Variants in RIMS2 observed in about 807,000 individuals in gnomAD.
RIMS2 encodes regulating synaptic membrane exocytosis 2, also known as regulating synaptic membrane exocytosis protein 2.
RIMS2 carries 59 observed loss-of-function variants against 174.4 expected under a neutral mutation model. The ratio of observed to expected loss-of-function variants is 0.34; its 90% confidence interval spans 0.27 to 0.42. The LOEUF (loss-of-function observed/expected upper bound fraction) is 0.42. RIMS2 is among the 10% of genes least tolerant of loss of function. RIMS2 has a pLI of 1.00. For missense variants in RIMS2, 1,620 were observed against 1,666.3 expected, an observed-to-expected ratio of 0.97 and a Z score of 0.48; for synonymous variants, 606 against 572.5, an observed-to-expected ratio of 1.06 and a Z score of -0.84.
chr8:104,169,945 A>G (rs2098822608), intron 19 of RIMS2, among the ~76,000 whole-genome samples: 1 of 152,036 alleles, frequency 6.6e-6, no homozygotes, highest in Non-Finnish European at 1.5e-5. Context: ...AGAGCAGATT[A>G]TTTAATTTCC....
chr8:103,734,055 G>A (rs1345236548), intron 2 of RIMS2, among the ~76,000 whole-genome samples: 1 of 121,958 alleles, frequency 8.2e-6, no homozygotes, highest in Non-Finnish European at 1.6e-5. Context: ...ACGGAGTCTC[G>A]CTGCTGGAGT....
chr8:103,655,501 T>C (rs2077867217), intron 1 of RIMS2, among the ~76,000 whole-genome samples: 1 of 152,100 alleles, frequency 6.6e-6, no homozygotes, highest in African/African-American at 2.4e-5. Flanking sequence ...ATTAAACTAA[T>C]CAATTGGATT....
intron 19 of RIMS2, among the ~76,000 whole-genome samples, chr8:104,024,133 T>G (rs562907464): frequency 5.9e-5 from 9 of 152,180 alleles, no homozygotes; most frequent in Non-Finnish European, 1.0e-4. Context: ...TCTAGAGCCG[T>G]GAGGAGAGGT....
chr8:103,852,007 A>C (rs1214736825), intron 3 of RIMS2, among the ~76,000 whole-genome samples: 2 of 152,014 alleles, frequency 1.3e-5, no homozygotes, highest in Non-Finnish European at 2.9e-5. Context: ...CATTTAGACC[A>C]ATCCTCCACT....
chr8:103,647,558 T>C (rs2096364457), intron 1 of RIMS2, among the ~76,000 whole-genome samples: 1 of 152,152 alleles, frequency 6.6e-6, no homozygotes, highest in Admixed American at 6.5e-5. Context: ...CGTCCTGGGC[T>C]TTTTTGGGTT....
chr8:103,762,906 A>G (rs1430579652), intron 2 of RIMS2, among the ~76,000 whole-genome samples: 2 of 152,200 alleles, frequency 1.3e-5, no homozygotes, highest in Non-Finnish European at 2.9e-5. Flanking sequence ...GTGTTTATGT[A>G]TCTGAACATA....
In RIMS2 at chr8:104,142,214, G is replaced by A. The variant is rs1249167820; in HGVS notation, c.3335-102702G>A. On this transcript the variant is annotated intron_variant, in intron 19 of 23. Coordinates refer to ENST00000504942, the Ensembl canonical transcript of RIMS2. The stretch of plus-strand genomic sequence containing the variant: ...TGATCTCGGCTCAACCACAACCTCC[G>A]CCTCCCGGGTTCAAGCGATTCTCCT... Among the ~76,000 whole-genome samples the A allele has an allele frequency of 2.1e-5, 3 of 143,022 alleles. No individual in the cohort carries two copies. In the Admixed American group the frequency reaches 2.2e-4, roughly 10 times the overall value. The allele number at this position is 143,022 out of a possible 152,430, so 93.8% of individuals were successfully genotyped here. A position where few individuals can be genotyped will look rare whatever the true frequency, so the allele number is the denominator to read the frequency against.
rs534007107 is a variant in RIMS2, at chr8:103,750,723, T to C, written c.388-15504T>C. Among the ~76,000 whole-genome samples, 4 of 152,186 alleles carry C rather than the reference T, an allele frequency of 2.6e-5. No individual in the cohort carries two copies. The South Asian group carries it at 8.3e-4, about 32-fold the overall frequency. On this transcript the variant is annotated intron_variant, in intron 2 of 23. Coordinates refer to ENST00000504942, the Ensembl canonical transcript of RIMS2. ...TTTATAAGAGAATGAGTGACAGGCATTTCCCCTGCTGGCACTCATTCTCTC... is the reference window on the plus strand; with the variant it reads ...TTTATAAGAGAATGAGTGACAGGCACTTCCCCTGCTGGCACTCATTCTCTC...
intron 2 of RIMS2, among the ~76,000 whole-genome samples, chr8:103,729,279 G>A (rs2097563653): frequency 6.6e-6 from 1 of 152,044 alleles, no homozygotes; most frequent in African/African-American, 2.4e-5. Context: ...CCAAGCTTTG[G>A]AGTTCTTCAT....
intron 19 of RIMS2, among the ~76,000 whole-genome samples, chr8:104,088,451 C>T (rs2097575203): frequency 6.6e-6 from 1 of 152,046 alleles, no homozygotes; most frequent in South Asian, 2.1e-4. Flanking sequence ...GTTTTCTTTC[C>T]CCGCTCCTAT....
chr8:103,818,502 G>A (rs1314895355), intron 3 of RIMS2, among the ~76,000 whole-genome samples: 1 of 152,068 alleles, frequency 6.6e-6, no homozygotes, highest in Admixed American at 6.6e-5. Flanking sequence ...GGAGCCTTCA[G>A]GAAACATTTT....
intron 19 of RIMS2, among the ~76,000 whole-genome samples, chr8:104,236,669 A>G (rs1396386934): frequency 6.6e-6 from 1 of 152,094 alleles, no homozygotes; most frequent in Non-Finnish European, 1.5e-5. Context: ...GAATACTATT[A>G]TGGGTCATCA....
At chr8:103,694,382 A>G (rs2097071899) in intron 1 of RIMS2, among the ~76,000 whole-genome samples, 1 of 151,878 alleles carries the variant, frequency 6.6e-6, no homozygotes, top group East Asian at 1.9e-4. Context: ...TTCTGGTGCC[A>G]TCCTGGAGGC....
Position 104,010,655 on chromosome 8 carries a change from A to G in RIMS2, c.3045-2787A>G, listed in dbSNP as rs541942465. On this transcript the variant is annotated intron_variant, in intron 17 of 23. Coordinates refer to ENST00000504942, the Ensembl canonical transcript of RIMS2. ...TCAAGTACAAAAAAAAGAACTATAA[A>G]TAGAGATTAGAAAATATAAACTATT... Among the ~76,000 whole-genome samples the G allele has an allele frequency of 2.0e-5, 3 of 152,288 alleles. No individual in the cohort carries two copies. The South Asian group carries it at 6.2e-4, about 32-fold the overall frequency.
intron 3 of RIMS2, among the ~76,000 whole-genome samples, chr8:103,838,333 G>A (rs566789872): frequency 6.6e-6 from 1 of 152,026 alleles, no homozygotes; most frequent in Non-Finnish European, 1.5e-5. Flanking sequence ...TGCTAGCAAG[G>A]TTTAAACCAC....
intron 1 of RIMS2, among the ~76,000 whole-genome samples, chr8:103,626,094 A>C (rs2095777954): frequency 6.6e-6 from 1 of 152,132 alleles, no homozygotes; most frequent in Admixed American, 6.5e-5. Flanking sequence ...AAATTTCTTT[A>C]TATTTTACCA....
At chr8:103,899,768 G>C (rs2099316720) in intron 4 of RIMS2, among the ~76,000 whole-genome samples, 1 of 151,682 alleles carries the variant, frequency 6.6e-6, no homozygotes, top group Non-Finnish European at 1.5e-5. Context: ...CATTGCTTTT[G>C]GTGTTTTAGA....
intron 15 of RIMS2, among the ~76,000 whole-genome samples, chr8:103,974,932 A>G (rs2093284354): frequency 6.6e-6 from 1 of 152,232 alleles, no homozygotes; most frequent in South Asian, 2.1e-4. Context: ...ACTGAAAAAA[A>G]AGATGTTAAT....
At chr8:103,869,027 TA>T (rs2099097118) in intron 3 of RIMS2, among the ~76,000 whole-genome samples, 1 of 152,118 alleles carries the variant, frequency 6.6e-6, no homozygotes, top group Non-Finnish European at 1.5e-5. Flanking sequence ...CTTTTTGGAT[TA>T]TTTTTTCAGC....
Sources: allele counts gnomAD v4.1 joint callset (sites outside exome capture counted in the v4.1 genomes callset), GRCh38; gene constraint gnomAD v4.1.1; transcripts MANE v1.5; gene names NCBI Gene and HGNC (gene_info 2026-07-23, HGNC 2026-07-21).